The following TTC6 variants were observed in gnomAD, a reference collection of about 807,000 sequenced individuals.
TTC6 encodes the protein tetratricopeptide repeat domain 6.
Under a neutral mutation model 210.4 loss-of-function variants are expected in TTC6, and 172 were observed. That is an observed-to-expected ratio of 0.82 (90% CI 0.72 to 0.93). The LOEUF (loss-of-function observed/expected upper bound fraction) is 0.93, where lower values mean the gene tolerates loss of function less well. Among genes scored for constraint, TTC6 ranks in the 40% least tolerant of loss-of-function variants. The probability of loss-of-function intolerance (pLI) is 0.00; values close to 1 mark genes in which losing one functional copy is unlikely to be tolerated. For synonymous variants in TTC6, 804 were observed against 819.6 expected (o/e 0.98, Z 0.32); for missense variants, 2,414 against 2,318.1 (o/e 1.04, Z -0.85).
At position 37,790,686 on chromosome 14, in the gene TTC6, G is replaced by A. The variant is rs2096077306; in HGVS notation, c.3437-31G>A. On this transcript the variant is annotated intron_variant, in intron 15 of 30. Coordinates refer to ENST00000553443, the Ensembl canonical transcript of TTC6. ...TTTACCTATGGTTATTTTAGAACCT[G>A]AATGAAATACATTTTTTTAAACTTT... is the stretch of plus-strand genomic sequence containing the variant. 4.0e-6 allele frequency: 6 copies of A among 1,510,916 alleles called. No homozygotes were observed. The South Asian group carries it at 4.9e-5, about 12-fold the overall frequency. 93.6% of individuals were successfully genotyped at this position (1,510,916 alleles called of 1,614,324 possible).
chr14:37,755,483 G>A (rs2095964810), intron 14 of TTC6, among the ~76,000 whole-genome samples: 1 of 152,140 alleles, frequency 6.6e-6, no homozygotes, highest in Admixed American at 6.5e-5. Flanking sequence ...CATTGCCTAA[G>A]TTTTCTTCTA....
At chr14:37,631,061 T>A (rs1172696892) in intron 1 of TTC6, among the ~76,000 whole-genome samples, 1 of 151,774 alleles carries the variant, frequency 6.6e-6, no homozygotes, top group Non-Finnish European at 1.5e-5. Context: ...TGACTTTTTA[T>A]TCACTTTGTC....
intron 14 of TTC6, among the ~76,000 whole-genome samples, chr14:37,753,543 A>G (rs1196600421): frequency 1.3e-5 from 2 of 152,164 alleles, no homozygotes; most frequent in East Asian, 3.8e-4. Context: ...ACAGAAAACT[A>G]TTCATACAGT....
In TTC6 at chr14:37,737,747, T is replaced by C; in HGVS notation, c.1983+13T>C. 1 of 1,400,834 alleles carries C rather than the reference T, an allele frequency of 7.1e-7. No individual in the cohort carries two copies. Among genetic ancestry groups the C allele is most frequent in the Non-Finnish European group, 9.6e-7 (1 of 1,045,268 alleles). The allele number at this position is 1,400,834 out of a possible 1,614,324, so 86.8% of individuals were successfully genotyped here. ...TACACAACTAAGGGTATTATAATTTTACAGTTTTTACTCTCTAAAAGAAAC... is the reference window on the plus strand; with the variant it reads ...TACACAACTAAGGGTATTATAATTTCACAGTTTTTACTCTCTAAAAGAAAC... On this transcript the variant is annotated intron_variant, in intron 9 of 30. Coordinates refer to ENST00000553443, the Ensembl canonical transcript of TTC6.
intron 1 of TTC6, among the ~76,000 whole-genome samples, chr14:37,636,282 A>G (rs750477355): frequency 1.3e-5 from 2 of 152,268 alleles, no homozygotes; most frequent in South Asian, 4.1e-4. Context: ...TCTAACCTAC[A>G]TTTTTAGAAT....
chr14:37,796,941 A>G, exon 20 of TTC6: 2 of 1,595,092 alleles, frequency 1.3e-6, no homozygotes, highest in Non-Finnish European at 1.7e-6. Flanking sequence ...AGGCCAAGAG[A>G]ACCAAGGTGA....
At chr14:37,606,763 T>C in intron 2 of TTC6, 21 bp downstream of exon 2, 5 of 985,358 alleles carry the variant, frequency 5.1e-6, no homozygotes, top group Non-Finnish European at 6.0e-6. Context: ...TTCAGTTCTT[T>C]CCAGTTCATC....
intron 14 of TTC6, among the ~76,000 whole-genome samples, chr14:37,769,930 G>A (rs1163204316): frequency 6.6e-6 from 1 of 151,634 alleles, no homozygotes; most frequent in Non-Finnish European, 1.5e-5. Context: ...GCTTTCTCTT[G>A]TGGGCATTTA....
intron 6 of TTC6, among the ~76,000 whole-genome samples, chr14:37,715,398 T>A (rs780276487): frequency 1.1e-4 from 16 of 151,766 alleles, no homozygotes; most frequent in Non-Finnish European, 2.1e-4. Flanking sequence ...CCTGAGCAAA[T>A]CCCAAACTGG....
rs188909432 is a variant in TTC6 at position 37,606,369 on chromosome 14, C to T, written c.-234-294C>T. ...ACAAATGGGTTTGACCAATGGAGGA[C>T]AATGGTGCAGGACTGAAGGGCAGGA... On this transcript the variant is annotated intron_variant, in intron 1 of 2. Coordinates refer to the TTC6 transcript ENST00000556845. 8.8e-4 allele frequency among the ~76,000 whole-genome samples: 134 copies of T among 152,240 alleles called. 2 individuals carry two copies. In the South Asian group the frequency reaches 0.012, roughly 14 times the overall value.
chr14:37,628,016 G>T (rs1044756417), intron 1 of TTC6, among the ~76,000 whole-genome samples: 1 of 152,134 alleles, frequency 6.6e-6, no homozygotes, highest in Non-Finnish European at 1.5e-5. Flanking sequence ...TGTTGCCCAG[G>T]CTGGAGTGCA....
intron 29 of TTC6, among the ~76,000 whole-genome samples, chr14:37,837,860 C>G (rs550920747): frequency 1.3e-5 from 2 of 152,222 alleles, no homozygotes; most frequent in African/African-American, 4.8e-5. Flanking sequence ...GAATAGAGGA[C>G]AGATCTTCGG....
chr14:37,722,959 A>G (rs1054225614), intron 6 of TTC6, among the ~76,000 whole-genome samples: 2 of 152,060 alleles, frequency 1.3e-5, no homozygotes, highest in African/African-American at 2.4e-5. Context: ...AAGTGTGTCT[A>G]TTCTTCTCAT....
rs866185636 is a variant in TTC6, at chr14:37,826,097, T to C, written c.4975-98T>C. ...ACTTAGATTTAGCATGGCATAAATA[T>C]ACCCTTACTAAAGGTTTTATTTGAT... is the stretch of plus-strand genomic sequence containing the variant. On this transcript the variant is annotated intron_variant, in intron 27 of 30. Transcript: ENST00000553443. 15 of 1,247,800 alleles carry C rather than the reference T, an allele frequency of 1.2e-5. No homozygotes were observed. In the Middle Eastern group the frequency reaches 1.2e-3, roughly 100 times the overall value. 77.3% of individuals were successfully genotyped at this position (1,247,800 alleles called of 1,614,324 possible). A position where few individuals can be genotyped will look rare whatever the true frequency, so the allele number is the denominator to read the frequency against.
rs191310689 is a variant in TTC6 at position 37,638,670 on chromosome 14, G to T, written c.939+15667G>T. Among the ~76,000 whole-genome samples the T allele has an allele frequency of 3.3e-3, 502 of 152,202 alleles. 9 individuals carry two copies. Among genetic ancestry groups the T allele is most frequent in the African/African-American group, 0.011 (449 of 41,542 alleles). On this transcript the variant is annotated intron_variant, in intron 1 of 30. Transcript: ENST00000553443. The stretch of plus-strand genomic sequence containing the variant: ...GGGAAGTGTTTGTGGCTTTAAAAGG[G>T]CATTTTGTATCTTGACTGTATCACT...
chr14:37,630,998 A>G (rs984955937), intron 1 of TTC6, among the ~76,000 whole-genome samples: 2 of 128,128 alleles, frequency 1.6e-5, no homozygotes, highest in Non-Finnish European at 3.2e-5. Context: ...TTGAGCCTAT[A>G]TGTGTCTTTG....
chr14:37,632,506 G>T (rs1426533376), intron 1 of TTC6, among the ~76,000 whole-genome samples: 2 of 152,188 alleles, frequency 1.3e-5, no homozygotes, highest in African/African-American at 2.4e-5. Context: ...TCTCAGAGGT[G>T]CACCTGCCAA....
intron 1 of TTC6, among the ~76,000 whole-genome samples, chr14:37,668,806 A>G (rs1236785927): frequency 6.6e-6 from 1 of 152,184 alleles, no homozygotes; most frequent in African/African-American, 2.4e-5. Context: ...AATTTCCTGA[A>G]CATACCATGT....
intron 1 of TTC6, among the ~76,000 whole-genome samples, chr14:37,624,611 G>A (rs1165935263): frequency 6.6e-6 from 1 of 152,074 alleles, no homozygotes; most frequent in African/African-American, 2.4e-5. Context: ...TACCAGAAGT[G>A]TTAATTCCTC....
Sources: gnomAD v4.1 joint callset for allele counts (sites outside exome capture counted in the v4.1 genomes callset) on GRCh38, gnomAD v4.1.1 for gene constraint, MANE v1.5 for transcripts, NCBI Gene and HGNC (gene_info 2026-07-23, HGNC 2026-07-21) for gene names.